Variants in GTF2IRD2B observed in about 807,000 individuals in gnomAD.
GTF2IRD2B encodes the protein GTF2I repeat domain containing 2B, also known as general transcription factor II-I repeat domain-containing protein 2B.
Under a neutral mutation model 55.6 loss-of-function variants are expected in GTF2IRD2B, and 10 were observed. The observed-to-expected ratio is 0.18, with a 90% CI of 0.11 to 0.31. GTF2IRD2B has a LOEUF of 0.31. Among genes scored for constraint, GTF2IRD2B ranks in the 10% least tolerant of loss-of-function variants. The probability of loss-of-function intolerance (pLI) is 1.00; values close to 1 mark genes in which losing one functional copy is unlikely to be tolerated. For synonymous variants in GTF2IRD2B, 107 were observed against 320.5 expected (o/e 0.33, Z 7.12); for missense variants, 206 against 802.7 (o/e 0.26, Z 8.98).
chr7:75,124,301 G>C, intron 6 of GTF2IRD2B, among the ~76,000 whole-genome samples: 1 of 152,312 alleles, frequency 6.6e-6, no homozygotes, highest in Non-Finnish European at 1.5e-5. Flanking sequence ...CCGAGATGTA[G>C]AGTTTGCAGT....
At chr7:75,103,430 G>A (rs1554449768) in intron 1 of GTF2IRD2B, among the ~76,000 whole-genome samples, 1 of 151,046 alleles carries the variant, frequency 6.6e-6, no homozygotes, top group East Asian at 1.9e-4. Flanking sequence ...CACCTGCCTG[G>A]CCCGATGCCT....
chr7:75,108,443 CA>C (rs1450759858), intron 1 of GTF2IRD2B, among the ~76,000 whole-genome samples: 1 of 9,936 alleles, frequency 1.0e-4, no homozygotes, highest in Non-Finnish European at 2.1e-4. Flanking sequence ...AACTCAGTCT[CA>C]AAAAAAAAAG....
At chr7:75,104,149 ATC>A (rs1807683241) in intron 1 of GTF2IRD2B, among the ~76,000 whole-genome samples, 1 of 129,316 alleles carries the variant, frequency 7.7e-6, no homozygotes, top group Non-Finnish European at 1.6e-5. Context: ...TTTAGATGGA[ATC>A]TTACTCTGTT....
rs781954915 is a variant in GTF2IRD2B, at chr7:75,099,737, A to AAAATAAATAAAT, written c.-6+7008_-6+7019dup. ...GGGCAACAGAGCGAGACTCCGTCTCAAAATAAATAAATAAATAAATAAATA... is the reference window on the plus strand; with the variant it reads ...GGGCAACAGAGCGAGACTCCGTCTCAAAATAAATAAATAAATAAATAAATAAATAAATAAATA... On this transcript the variant is annotated intron_variant, in intron 1 of 15. Transcript: ENST00000472837. Among the ~76,000 whole-genome samples, 456 of 126,578 alleles carry AAAATAAATAAAT rather than the reference A, an allele frequency of 3.6e-3. 8 individuals carry two copies. The highest frequency in any genetic ancestry group is 8.0e-3 in the East Asian group (39 of 4,872). The allele number at this position is 126,578 out of a possible 152,430, so 83.0% of individuals were successfully genotyped here. A position where few individuals can be genotyped will look rare whatever the true frequency, so the allele number is the denominator to read the frequency against.
At chr7:75,092,956 A>T (rs1218181778) in intron 1 of GTF2IRD2B, among the ~76,000 whole-genome samples, 191 bp downstream of exon 1, 3 of 151,908 alleles carry the variant, frequency 2.0e-5, no homozygotes, top group Non-Finnish European at 4.4e-5. Context: ...GCAGGACCAG[A>T]GGTGTGAGGG....
At chr7:75,117,735 A>G (rs1458992649) in intron 3 of GTF2IRD2B, among the ~76,000 whole-genome samples, 1 of 152,266 alleles carries the variant, frequency 6.6e-6, no homozygotes, top group Non-Finnish European at 1.5e-5. Flanking sequence ...TACAAAATAC[A>G]TATATATATA....
At chr7:75,102,177 A>G (rs1462677128) in intron 1 of GTF2IRD2B, among the ~76,000 whole-genome samples, 7 of 150,752 alleles carry the variant, frequency 4.6e-5, no homozygotes, top group African/African-American at 9.7e-5. Context: ...TAATTTTTGT[A>G]TTTTTAGTAG....
intron 1 of GTF2IRD2B, among the ~76,000 whole-genome samples, chr7:75,107,013 A>G (rs1807829067): frequency 1.3e-5 from 2 of 151,792 alleles, no homozygotes; most frequent in African/African-American, 4.8e-5. Context: ...TCCGAAGGGA[A>G]GTGGGAAAGA....
chr7:75,102,958 C>CAA (rs1266138425), intron 1 of GTF2IRD2B, among the ~76,000 whole-genome samples: 2 of 132,876 alleles, frequency 1.5e-5, no homozygotes, highest in Non-Finnish European at 1.6e-5. Context: ...GACTCCATGT[C>CAA]AAAAAAAAAA....
chr7:75,102,469 G>T (rs782417695), intron 1 of GTF2IRD2B, among the ~76,000 whole-genome samples: 16,456 of 150,586 alleles, frequency 0.11, 236 homozygotes, highest in Middle Eastern at 0.22. Flanking sequence ...TTAAGTTGAG[G>T]GGATTCATAA....
chr7:75,120,528 AAGTT>A (rs1418826851), intron 3 of GTF2IRD2B: 1 of 157,830 alleles, frequency 6.3e-6, no homozygotes, highest in Non-Finnish European at 1.1e-5. Context: ...AAAAATTTAA[AAGTT>A]AGCCAGGTGT....
rs1808442772 is a variant in GTF2IRD2B, at chr7:75,123,269, C to A, written c.492C>A (p.Thr164=). ...FQHPENYDLA[T]LKWILENKAG... ...ACCCTGAGAATTACGACCTTGCAAC[C>A]CTGAAATGGATTTTGGAGAACAAAG... The change falls in exon 5 of 16, where the codon ACC becomes ACA. Residue 164 remains threonine, a synonymous_variant. Coordinates refer to ENST00000472837, the MANE Select transcript of GTF2IRD2B (RefSeq NM_001003795.3). The A allele has an allele frequency of 1.5e-6, 2 of 1,312,694 alleles. No homozygotes were observed. Among genetic ancestry groups the A allele is most frequent in the Non-Finnish European group, 2.1e-6 (2 of 960,850 alleles). 81.3% of individuals were successfully genotyped at this position (1,312,694 alleles called of 1,614,324 possible).
chr7:75,123,808 G>A (rs1269909704), intron 6 of GTF2IRD2B: 50 of 417,084 alleles, frequency 1.2e-4, no homozygotes, highest in African/African-American at 9.9e-4. Context: ...AACCCGGGAG[G>A]TGGAGCTTGC....
intron 9 of GTF2IRD2B, 88 bp from the exon 10 acceptor site, chr7:75,134,913 G>A: frequency 1.3e-6 from 2 of 1,529,202 alleles, no homozygotes; most frequent in African/African-American, 1.6e-5. Context: ...TTCCTGCGTG[G>A]GTATTGACTT....
intron 12 of GTF2IRD2B, 137 bp from the exon 13 acceptor site, chr7:75,140,962 CTTAA>C (rs1449090562): frequency 1.8e-5 from 2 of 113,174 alleles, no homozygotes; most frequent in African/African-American, 6.6e-5. Flanking sequence ...TTCCAAGATG[CTTAA>C]TTATTGCTAA....
At chr7:75,103,652 G>A (rs1330973080) in intron 1 of GTF2IRD2B, among the ~76,000 whole-genome samples, 187 of 151,832 alleles carry the variant, frequency 1.2e-3, no homozygotes, top group African/African-American at 4.0e-3. Flanking sequence ...CCAGAGAGCA[G>A]GAAGCACAGA....
At chr7:75,123,800 C>T in intron 6 of GTF2IRD2B, 4 of 427,656 alleles carry the variant, frequency 9.4e-6, no homozygotes, top group South Asian at 8.2e-5. Flanking sequence ...ATGGCGTGAA[C>T]CCGGGAGGTG....
chr7:75,104,485 G>A (rs1231760597), intron 1 of GTF2IRD2B, among the ~76,000 whole-genome samples: 2 of 146,638 alleles, frequency 1.4e-5, no homozygotes, highest in African/African-American at 5.2e-5. Context: ...GTGAAGAAGT[G>A]GAAATAGCAC....
At chr7:75,114,657 G>A (rs2083981713) in intron 3 of GTF2IRD2B, among the ~76,000 whole-genome samples, 1 of 151,904 alleles carries the variant, frequency 6.6e-6, no homozygotes, top group South Asian at 2.1e-4. Context: ...TCCAAGGTTT[G>A]GCTCCCACTT....
Sources: allele counts gnomAD v4.1 joint callset (sites outside exome capture counted in the v4.1 genomes callset), GRCh38; gene constraint gnomAD v4.1.1; transcripts MANE v1.5; gene names NCBI Gene and HGNC (gene_info 2026-07-23, HGNC 2026-07-21).